The following ZBBX variants were observed in gnomAD, a reference collection of about 807,000 sequenced individuals.
ZBBX encodes zinc finger B-box domain-containing protein 1.
A neutral mutation model predicts 108.5 loss-of-function variants in ZBBX; 101 were observed. The ratio of observed to expected loss-of-function variants is 0.93; its 90% CI spans 0.79 to 1.10. The LOEUF (loss-of-function observed/expected upper bound fraction) is 1.10. ZBBX is among the 50% of genes least tolerant of loss of function. The pLI, the probability that ZBBX is intolerant of heterozygous loss-of-function variation, is 0.00. For synonymous variants in ZBBX, 356 were observed against 323.4 expected (o/e 1.10, Z -1.08); for missense variants, 1,009 against 941.4 (o/e 1.07, Z -0.94).
At position 167,282,371 on chromosome 3, in the gene ZBBX, T is replaced by G. The variant is rs1311477072; in HGVS notation, c.2121A>C (p.Arg707Ser). ...CAATTTCTGAAATTTCAGAAGCAGC[T>G]CTAGATGATGATTGAGCAGCTGCAC... is the stretch of plus-strand genomic sequence containing the variant. The part of the protein sequence containing the change: ...SRSAAAQSSS[R>S]AASEISEIEY... Residue 707 changes from arginine to serine, a missense_variant, in exon 20 of 22, where the codon AGA becomes AGC. By Grantham distance (110) the Arg-to-Ser change is moderately radical. Coordinates refer to ENST00000675490, the MANE Select transcript of ZBBX (RefSeq NM_001199201.2). The G allele has an allele frequency of 1.9e-6, 3 of 1,614,096 alleles. No homozygotes were observed. Among genetic ancestry groups the G allele is most frequent in the Non-Finnish European group, 2.5e-6 (3 of 1,180,000 alleles).
the ZBBX span, among the ~76,000 whole-genome samples, chr3:167,212,393 C>T: frequency 6.6e-6 from 1 of 152,156 alleles, no homozygotes. Context: ...GTAGGAACAA[C>T]TGAAAGCCTC....
the ZBBX span, among the ~76,000 whole-genome samples, chr3:167,208,007 G>C: frequency 1.2e-4 from 18 of 152,108 alleles, no homozygotes; most frequent in African/African-American, 4.1e-4. Context: ...TTTGGGGGAG[G>C]GAGAGTACAG....
intron 9 of ZBBX, among the ~76,000 whole-genome samples, chr3:167,339,887 T>A (rs1322532718): frequency 1.3e-5 from 2 of 152,086 alleles, no homozygotes; most frequent in Non-Finnish European, 2.9e-5. Context: ...TTCTCATTGT[T>A]CAACTCCCAC....
the ZBBX span, among the ~76,000 whole-genome samples, chr3:167,232,563 T>C: frequency 6.6e-6 from 1 of 151,822 alleles, no homozygotes; most frequent in Non-Finnish European, 1.5e-5. Flanking sequence ...CAGAATCATC[T>C]GGCCCTGGAT....
chr3:167,385,015 G>C (rs1398183183), upstream of ZBBX, among the ~76,000 whole-genome samples: 1 of 151,944 alleles, frequency 6.6e-6, no homozygotes, highest in Non-Finnish European at 1.5e-5. Flanking sequence ...TAGAAAGTCA[G>C]TTTCAAAAAA....
chr3:167,262,656 T>C (rs1383172372), intron 20 of ZBBX, among the ~76,000 whole-genome samples: 4 of 152,146 alleles, frequency 2.6e-5, no homozygotes, highest in African/African-American at 9.7e-5. Context: ...GTTATTGGTA[T>C]GTTCAGGTTT....
chr3:167,268,512 G>T (rs987306714), intron 20 of ZBBX, among the ~76,000 whole-genome samples: 1 of 151,836 alleles, frequency 6.6e-6, no homozygotes, highest in Non-Finnish European at 1.5e-5. Context: ...AAGAGAATTA[G>T]GGAATCAGTA....
chr3:167,234,384 G>T, the ZBBX span, among the ~76,000 whole-genome samples: 2 of 151,764 alleles, frequency 1.3e-5, no homozygotes, highest in Non-Finnish European at 2.9e-5. Context: ...ATTGGATTTG[G>T]GCCTTAGCCC....
intron 17 of ZBBX, among the ~76,000 whole-genome samples, chr3:167,302,534 T>TAC (rs140139438): frequency 7.1e-4 from 108 of 151,880 alleles, no homozygotes; most frequent in African/African-American, 1.0e-3. Context: ...AAAATAACTA[T>TAC]ACACACACAC....
At position 167,376,334 on chromosome 3, in the gene ZBBX, C is replaced by G. The variant is rs1382657765; in HGVS notation, c.-131-2547G>C. Among the ~76,000 whole-genome samples, 6 of 152,120 alleles carry G rather than the reference C, an allele frequency of 3.9e-5. No homozygotes were observed. In the East Asian group the frequency reaches 1.2e-3, roughly 29 times the overall value. Reference sequence around the variant, plus strand: ...AAAAACCTCCAGGAATAATCCTGCTCCATAACATGGAATCTGTATTGCTTT... The same window carrying G: ...AAAAACCTCCAGGAATAATCCTGCTGCATAACATGGAATCTGTATTGCTTT... On this transcript the variant is annotated intron_variant, in intron 2 of 21. Coordinates refer to ENST00000675490, the MANE Select transcript of ZBBX (RefSeq NM_001199201.2).
At chr3:167,307,234 ACCACTCCT>A (rs1295846656) in intron 16 of ZBBX, among the ~76,000 whole-genome samples, 1 of 152,178 alleles carries the variant, frequency 6.6e-6, no homozygotes, top group Non-Finnish European at 1.5e-5. Flanking sequence ...GCCCTCTCTC[ACCACTCCT>A]ATTCAACATA....
At chr3:167,401,207 A>C (rs955328761) in intron 1 of ZBBX, 6 of 152,226 alleles carry the variant, frequency 3.9e-5, no homozygotes, top group African/African-American at 1.4e-4. Context: ...AATTAGTTTC[A>C]AATGAGAATT....
At chr3:167,225,110 C>T in the ZBBX span, among the ~76,000 whole-genome samples, 1 of 151,740 alleles carries the variant, frequency 6.6e-6, no homozygotes, top group Non-Finnish European at 1.5e-5. Context: ...TAAATTCCAA[C>T]AAGTTAGAGA....
intron 12 of ZBBX, among the ~76,000 whole-genome samples, chr3:167,319,357 G>A (rs890726078): frequency 9.9e-5 from 15 of 151,976 alleles, no homozygotes; most frequent in Admixed American, 8.5e-4. Flanking sequence ...TAGTTGTTAC[G>A]GACTAAGAAA....
the ZBBX span, among the ~76,000 whole-genome samples, chr3:167,191,700 A>C: frequency 6.6e-6 from 1 of 151,820 alleles, no homozygotes; most frequent in Non-Finnish European, 1.5e-5. Context: ...TCTTCTGCCC[A>C]GTCTCTGGTA....
intron 1 of ZBBX, among the ~76,000 whole-genome samples, chr3:167,401,134 A>G (rs1748412355): frequency 6.6e-6 from 1 of 152,228 alleles, no homozygotes; most frequent in South Asian, 2.1e-4. Flanking sequence ...CCAATAAACA[A>G]CTAGTTATTT....
chr3:167,185,738 GT>G, the ZBBX span, among the ~76,000 whole-genome samples: 1 of 151,858 alleles, frequency 6.6e-6, no homozygotes. Flanking sequence ...GCCTATATAT[GT>G]TGTAATTCTA....
the ZBBX span, among the ~76,000 whole-genome samples, chr3:167,209,624 G>T: frequency 6.6e-6 from 1 of 152,160 alleles, no homozygotes; most frequent in Non-Finnish European, 1.5e-5. Context: ...GTACAAACAA[G>T]CCCAGATAGC....
intron 10 of ZBBX, among the ~76,000 whole-genome samples, chr3:167,331,922 G>C (rs972580878): frequency 1.3e-5 from 2 of 152,042 alleles, no homozygotes; most frequent in African/African-American, 4.8e-5. Flanking sequence ...TTCGTGAACT[G>C]TACCTCTTTC....
Sources: allele counts gnomAD v4.1 joint callset (sites outside exome capture counted in the v4.1 genomes callset), GRCh38; gene constraint gnomAD v4.1.1; transcripts MANE v1.5; gene names NCBI Gene and HGNC (gene_info 2026-07-23, HGNC 2026-07-21).